Variants in ZHX3 observed in about 807,000 individuals in gnomAD.
ZHX3 encodes the protein zinc fingers and homeoboxes 3, also known as zinc fingers and homeoboxes protein 3.
Under a neutral mutation model 64.5 loss-of-function variants are expected in ZHX3, and 20 were observed. That is an observed-to-expected ratio of 0.31 (90% CI 0.22 to 0.45). ZHX3 has a LOEUF of 0.45. Ranked by LOEUF, ZHX3 falls within the 20% of genes least tolerant of loss-of-function variation. The probability of loss-of-function intolerance (pLI) is 1.00; values close to 1 mark genes in which losing one functional copy is unlikely to be tolerated. For synonymous variants in ZHX3, 423 were observed against 461.6 expected, an observed-to-expected ratio of 0.92 and a Z score of 1.07; for missense variants, 1,041 against 1,195.8, an observed-to-expected ratio of 0.87 and a Z score of 1.91.
chr20:41,285,303 T>C (rs1462261240), intron 1 of ZHX3, among the ~76,000 whole-genome samples: 1 of 152,194 alleles, frequency 6.6e-6, no homozygotes, highest in East Asian at 1.9e-4. Flanking sequence ...GGACAAATCA[T>C]TTACTTACTG....
At chr20:41,248,884 A>T (rs985276431) in intron 2 of ZHX3, among the ~76,000 whole-genome samples, 1 of 152,232 alleles carries the variant, frequency 6.6e-6, no homozygotes, top group African/African-American at 2.4e-5. Context: ...TGTTTTTGCA[A>T]AAGACCCAAG....
chr20:41,222,971 G>A (rs1186071636), intron 2 of ZHX3, among the ~76,000 whole-genome samples: 3 of 151,268 alleles, frequency 2.0e-5, no homozygotes, highest in Admixed American at 6.6e-5. Flanking sequence ...TGGATAAGAT[G>A]TTCCTTTTAC....
intron 1 of ZHX3, among the ~76,000 whole-genome samples, chr20:41,307,313 T>A (rs901111666): frequency 2.0e-5 from 3 of 152,208 alleles, no homozygotes; most frequent in African/African-American, 7.2e-5. Context: ...AATGAGATGG[T>A]GAGTATTCAA....
chr20:41,220,030 T>C (rs1318462836), intron 2 of ZHX3, among the ~76,000 whole-genome samples: 1 of 152,208 alleles, frequency 6.6e-6, no homozygotes, highest in Admixed American at 6.5e-5. Context: ...CTGCAGCCCA[T>C]CCTCACTGAT....
intron 1 of ZHX3, among the ~76,000 whole-genome samples, chr20:41,285,464 CCT>C (rs1285749185): frequency 1.3e-5 from 2 of 152,178 alleles, no homozygotes; most frequent in African/African-American, 2.4e-5. Flanking sequence ...CTTGTTTGAG[CCT>C]CTGTTTCCCT....
intron 2 of ZHX3, among the ~76,000 whole-genome samples, chr20:41,234,738 G>GTCACACCCTC: frequency 6.6e-6 from 1 of 152,178 alleles, no homozygotes; most frequent in Non-Finnish European, 1.5e-5. Flanking sequence ...TTTGACTCCA[G>GTCACACCCTC]TGTCACAAGA....
chr20:41,259,772 T>C (rs2042463186), intron 2 of ZHX3, among the ~76,000 whole-genome samples: 1 of 152,152 alleles, frequency 6.6e-6, no homozygotes, highest in African/African-American at 2.4e-5. Context: ...TCAATGACTC[T>C]GGGAGAATAG....
intron 1 of ZHX3, among the ~76,000 whole-genome samples, chr20:41,275,859 C>CA (rs1376802641): frequency 1.3e-5 from 2 of 152,146 alleles, no homozygotes; most frequent in African/African-American, 4.8e-5. Context: ...TAGTTGCACT[C>CA]AGTTAACCTG....
rs1324795261 is a variant in ZHX3 at position 41,184,296 on chromosome 20, C to G, written c.*895G>C. ...TTCCACTTACGTCCCTACCCCATGT[C>G]TTTTTTCCATCTTTCTCTCACTCCA... On this transcript the variant is annotated 3_prime_UTR_variant, in exon 4 of 4. Transcript: ENST00000683867. The G allele has an allele frequency of 6.6e-6, 1 of 151,788 alleles. No individual in the cohort carries two copies. Among genetic ancestry groups the G allele is most frequent in the Non-Finnish European group, 1.5e-5 (1 of 67,854 alleles). The allele number at this position is 151,788 out of a possible 1,614,324, so 9.4% of individuals were successfully genotyped here. A position where few individuals can be genotyped will look rare whatever the true frequency, so the allele number is the denominator to read the frequency against.
rs1349311297 is a variant in ZHX3 at position 41,224,745 on chromosome 20, G to A, written c.-150-19679C>T. On this transcript the variant is annotated intron_variant, in intron 2 of 3. Coordinates refer to ENST00000683867, the MANE Select transcript of ZHX3 (RefSeq NM_001384317.1). This position sits in a 1 kb window ranked among gnomAD's most constrained non-coding sequence, Gnocchi z 5.2. ...TTTATAATTCCAACAGAGGACTTCT[G>A]AGCTATCTTCCCCTTTGCCTCTTTG... Among the ~76,000 whole-genome samples the A allele has an allele frequency of 5.9e-5, 9 of 152,222 alleles. No homozygotes were observed. The highest frequency in any genetic ancestry group is 5.9e-4 in the Admixed American group (9 of 15,288).
Position 41,204,281 on chromosome 20 carries a change from A to G in ZHX3, c.636T>C (p.Gly212=), listed in dbSNP as rs778015582. The change falls in exon 3 of 4, where the codon GGT becomes GGC. Residue 212 remains glycine (G), a synonymous_variant. Coordinates refer to ENST00000683867, the MANE Select transcript of ZHX3 (RefSeq NM_001384317.1). This position sits in a 1 kb window ranked among gnomAD's most constrained non-coding sequence, Gnocchi z 6.6. ...LKENVPSQPV[G]EALPKLSTGE... The stretch of plus-strand genomic sequence containing the variant: ...CAGTCGACAGCTTTGGTAAGGCCTC[A>G]CCCACAGGCTGGCTAGGGACATTCT... The G allele has an allele frequency of 6.2e-6, 10 of 1,614,058 alleles. No homozygotes were observed. Among genetic ancestry groups the G allele is most frequent in the Non-Finnish European group, 7.6e-6 (9 of 1,180,050 alleles).
intron 2 of ZHX3, among the ~76,000 whole-genome samples, chr20:41,227,545 A>G (rs1375499507): frequency 1.3e-5 from 2 of 152,180 alleles, no homozygotes; most frequent in Admixed American, 1.3e-4. Context: ...AGTACTGGGG[A>G]AGAGTTAACT....
At chr20:41,237,477 G>A (rs1600460559) in intron 2 of ZHX3, among the ~76,000 whole-genome samples, 1 of 152,262 alleles carries the variant, frequency 6.6e-6, no homozygotes, top group East Asian at 1.9e-4. Context: ...CATAGATGAA[G>A]CTGGAAACCA....
chr20:41,293,724 GCTGAA>G (rs2044365380), intron 1 of ZHX3, among the ~76,000 whole-genome samples: 1 of 152,192 alleles, frequency 6.6e-6, no homozygotes, highest in Non-Finnish European at 1.5e-5. Flanking sequence ...GAAAAGAATG[GCTGAA>G]CTGAAGGATC....
chr20:41,181,149 G>GT lies in ZHX3; in HGVS notation c.*4041dup, dbSNP rs2036237613. On this transcript the variant is annotated 3_prime_UTR_variant, in exon 4 of 4. Transcript: ENST00000683867. The stretch of plus-strand genomic sequence containing the variant: ...CAAGAGACCCTGAAGAGGAGGGTCC[G>GT]TGTCTGGAGTGAGGGGAACTGAGCC... 1 of 152,254 alleles carries GT rather than the reference G, an allele frequency of 6.6e-6. No homozygotes were observed. The highest frequency in any genetic ancestry group is 2.1e-4 in the South Asian group (1 of 4,830). The allele number at this position is 152,254 out of a possible 1,614,324, so 9.4% of individuals were successfully genotyped here.
rs1377723878 is a variant in ZHX3 at position 41,204,190 on chromosome 20, A to G, written c.727T>C (p.Ser243Pro). ...TGGGGGTTTTTTGCAGAGCTGGCAG[A>G]TGCCTGGCTGACTGGAACTGCCCCA... ...INGAVPVSQA[S>P]ASSAKNPHAA... The change falls in exon 3 of 4, where the codon TCT becomes CCT. Residue 243 changes from serine to proline, a missense_variant. Around this residue, in one of 4 missense-constraint regions of ZHX3, gnomAD observed 358 missense variants for 369.1 expected, o/e 0.97. Transcript: ENST00000683867. The surrounding 1 kb of genome is among the most constrained non-coding windows in gnomAD (Gnocchi z 6.6). 1 of 1,610,360 alleles carries G rather than the reference A, an allele frequency of 6.2e-7. No individual in the cohort carries two copies. The highest frequency in any genetic ancestry group is 1.3e-5 in the African/African-American group (1 of 74,770).
At chr20:41,289,809 T>G (rs1230801105) in intron 1 of ZHX3, among the ~76,000 whole-genome samples, 1 of 150,836 alleles carries the variant, frequency 6.6e-6, no homozygotes, top group Non-Finnish European at 1.5e-5. Context: ...ATATTCCAAG[T>G]GCCTAGCGGA....
intron 2 of ZHX3, among the ~76,000 whole-genome samples, chr20:41,234,696 C>G (rs770859162): frequency 2.0e-5 from 3 of 152,240 alleles, no homozygotes; most frequent in Non-Finnish European, 4.4e-5. Flanking sequence ...GAATACAGCC[C>G]TTTGGTTACT....
In ZHX3 at chr20:41,202,294, T is replaced by G; in HGVS notation, c.2623A>C (p.Ser875Arg). The change falls in exon 3 of 4, where the codon AGC (serine) becomes CGC (arginine). Residue 875 changes from serine to arginine, a missense_variant. Physicochemically the swap from Ser to Arg is moderately radical, Grantham distance 110. Around this residue, in one of 4 missense-constraint regions of ZHX3, gnomAD observed 649 missense variants for 739.8 expected, o/e 0.88. Transcript: ENST00000683867. The surrounding 1 kb of genome is among the most constrained non-coding windows in gnomAD (Gnocchi z 7.0). Reference sequence around the variant, plus strand: ...AACCACTGCTTGACCTGCTGGGAGCTCATCTGGGTCTTGTCACAGAGGTTC... The same window carrying G: ...AACCACTGCTTGACCTGCTGGGAGCGCATCTGGGTCTTGTCACAGAGGTTC... The part of the protein sequence containing the change: ...LQNLCDKTQM[S>R]SQQVKQWFAE... The G allele has an allele frequency of 1.2e-6, 2 of 1,614,142 alleles. No individual in the cohort carries two copies. The highest frequency in any genetic ancestry group is 1.7e-6 in the Non-Finnish European group (2 of 1,180,018).
Sources: gnomAD v4.1 joint callset for allele counts (sites outside exome capture counted in the v4.1 genomes callset) on GRCh38, gnomAD v4.1.1 for gene constraint, gnomAD v4.1.1 regional missense constraint, Gnocchi (gnomAD v3.1) non-coding constraint, MANE v1.5 for transcripts, NCBI Gene and HGNC (gene_info 2026-07-23, HGNC 2026-07-21) for gene names.